Variants in PRCP observed in about 807,000 individuals in gnomAD.
PRCP encodes the protein prolylcarboxypeptidase, also known as lysosomal Pro-X carboxypeptidase.
PRCP carries 46 observed loss-of-function variants against 54.2 expected under a neutral mutation model. The ratio of observed to expected loss-of-function variants is 0.85; its 90% CI spans 0.67 to 1.09. PRCP has a LOEUF of 1.09. Among genes scored for constraint, PRCP ranks in the 50% least tolerant of loss-of-function variants. The pLI is 0.00. For synonymous variants in PRCP, 240 were observed against 212.2 expected (o/e 1.13, Z -1.14); for missense variants, 613 against 596.8 (o/e 1.03, Z -0.28).
chr11:82,873,112 G>A (rs1228527743), intron 1 of PRCP, among the ~76,000 whole-genome samples: 1 of 150,716 alleles, frequency 6.6e-6, no homozygotes, highest in Non-Finnish European at 1.5e-5. Context: ...ATAAGTAGAA[G>A]GCTATTGAAA....
At chr11:82,837,541 TAAAAG>T (rs1400520408) in intron 8 of PRCP, among the ~76,000 whole-genome samples, 1 of 152,146 alleles carries the variant, frequency 6.6e-6, no homozygotes, top group East Asian at 1.9e-4. Flanking sequence ...CTAAAACAAA[TAAAAG>T]AACTTCTAAA....
chr11:82,872,405 T>C (rs1247780917), intron 1 of PRCP, among the ~76,000 whole-genome samples: 3 of 152,186 alleles, frequency 2.0e-5, no homozygotes, highest in Non-Finnish European at 4.4e-5. Context: ...TTAGTTAAGA[T>C]GAGGGCATGC....
chr11:82,854,405 T>C (rs934733698), intron 2 of PRCP, among the ~76,000 whole-genome samples: 1 of 151,916 alleles, frequency 6.6e-6, no homozygotes, highest in African/African-American at 2.4e-5. Flanking sequence ...CCATTTACAA[T>C]AGCCACAAAA....
chr11:82,880,175 G>A (rs564271975), intron 1 of PRCP, among the ~76,000 whole-genome samples: 1 of 152,252 alleles, frequency 6.6e-6, no homozygotes, highest in Non-Finnish European at 1.5e-5. Flanking sequence ...TCCTTGAGCT[G>A]CAGTGGGCTC....
intron 1 of PRCP, among the ~76,000 whole-genome samples, chr11:82,876,713 C>A (rs926035278): frequency 6.6e-6 from 1 of 152,208 alleles, no homozygotes; most frequent in Non-Finnish European, 1.5e-5. Flanking sequence ...GATTCTGAGG[C>A]CTCCCCAGCC....
At position 82,838,407 on chromosome 11, in the gene PRCP, TGAACTA is replaced by T; in HGVS notation, c.1248_1253del (p.Ser417_Ser418del). On this transcript the variant is annotated inframe_deletion, in exon 8 of 9. Coordinates refer to ENST00000313010, the MANE Select transcript of PRCP (RefSeq NM_005040.4). ...CTCACCTGAAAACAATGTTTGTGTG[TGAACTA>T]ATGTTTTTGCCTCCATACATAGTAG... The T allele has an allele frequency of 6.2e-7, 1 of 1,610,198 alleles. No individual in the cohort carries two copies. Among genetic ancestry groups the T allele is most frequent in the Non-Finnish European group, 8.5e-7 (1 of 1,178,576 alleles).
chr11:82,853,940 G>A (rs1859018611), intron 2 of PRCP, among the ~76,000 whole-genome samples: 1 of 152,090 alleles, frequency 6.6e-6, no homozygotes, highest in Non-Finnish European at 1.5e-5. Context: ...AAATGTATTC[G>A]ACAAAATTCA....
intron 8 of PRCP, chr11:82,827,865 C>A (rs150887737): frequency 5.8e-4 from 89 of 152,212 alleles, no homozygotes; most frequent in African/African-American, 2.1e-3. Flanking sequence ...GGAGTATAGT[C>A]ATCTTAATAG....
intron 1 of PRCP, among the ~76,000 whole-genome samples, chr11:82,880,041 G>A (rs1859707122): frequency 6.6e-6 from 1 of 152,212 alleles, no homozygotes; most frequent in Admixed American, 6.5e-5. Flanking sequence ...CATGCTGGGA[G>A]AACCACTACT....
At chr11:82,846,344 T>C (rs779524066) in intron 6 of PRCP, among the ~76,000 whole-genome samples, 1 of 151,818 alleles carries the variant, frequency 6.6e-6, no homozygotes, top group Non-Finnish European at 1.5e-5. Context: ...AGCTACAAGT[T>C]TGGGAGGGAG....
At position 82,838,535 on chromosome 11, in the gene PRCP, C is replaced by T. The variant is rs375747888; in HGVS notation, c.1126G>A (p.Val376Ile). The T allele has an allele frequency of 2.5e-5, 41 of 1,613,974 alleles. No homozygotes were observed. In the African/African-American group the frequency reaches 4.7e-4, roughly 18 times the overall value. The part of the protein sequence containing the change: ...EVVMPFCTNG[V>I]DDMFEPHSWN... Reference sequence around the variant, plus strand: ...GAGTGAGGTTCAAACATGTCATCGACACCATTAGTACAAAAGGGCATGACT... The same window carrying T: ...GAGTGAGGTTCAAACATGTCATCGATACCATTAGTACAAAAGGGCATGACT... Residue 376 changes from valine (V) to isoleucine (I), a missense_variant, in exon 8 of 9, where the codon GTC becomes ATC. By Grantham distance (29) the Val-to-Ile change is conservative. Transcript: ENST00000313010.
intron 6 of PRCP, chr11:82,840,340 A>T (rs1274075216): frequency 1.3e-5 from 2 of 152,146 alleles, no homozygotes; most frequent in Non-Finnish European, 2.9e-5. Context: ...TGTGTATTTC[A>T]TGGTATCTAG....
chr11:82,833,367 A>C (rs761192709), intron 8 of PRCP, among the ~76,000 whole-genome samples: 10 of 152,218 alleles, frequency 6.6e-5, no homozygotes, highest in Non-Finnish European at 2.9e-5. Context: ...GGAAAATGGA[A>C]AAAGAGGATG....
chr11:82,843,538 C>G (rs1858726346), intron 6 of PRCP, among the ~76,000 whole-genome samples: 1 of 145,252 alleles, frequency 6.9e-6, no homozygotes, highest in South Asian at 2.2e-4. Flanking sequence ...AGCACTTGGC[C>G]TGTTGATTGT....
chr11:82,867,011 C>T (rs1031606742), intron 1 of PRCP, among the ~76,000 whole-genome samples: 2 of 152,156 alleles, frequency 1.3e-5, no homozygotes, highest in Non-Finnish European at 2.9e-5. Flanking sequence ...CATGAGCCAC[C>T]GCGCCCGGCC....
intron 8 of PRCP, chr11:82,829,098 A>G (rs1453673262): frequency 1.3e-5 from 2 of 152,228 alleles, no homozygotes; most frequent in Non-Finnish European, 2.9e-5. Flanking sequence ...CTGAGTTACT[A>G]TAATAGCCTT....
chr11:82,825,540 T>C (rs1221348997), intron 8 of PRCP: 1 of 171,936 alleles, frequency 5.8e-6, no homozygotes, highest in Non-Finnish European at 1.2e-5. Flanking sequence ...GAGGCCAAGA[T>C]GGTGAATCGC....
intron 1 of PRCP, among the ~76,000 whole-genome samples, chr11:82,893,546 C>A (rs1255484442): frequency 6.6e-6 from 1 of 152,150 alleles, no homozygotes; most frequent in Non-Finnish European, 1.5e-5. Flanking sequence ...AATCCTAGCA[C>A]TTTGGGAGAC....
At chr11:82,861,232 G>A (rs181310423) in intron 1 of PRCP, among the ~76,000 whole-genome samples, 89 of 152,252 alleles carry the variant, frequency 5.8e-4, no homozygotes, top group African/African-American at 2.0e-3. Context: ...TGATGGCTAC[G>A]AATAGTCCCA....
Sources: allele counts gnomAD v4.1 joint callset (sites outside exome capture counted in the v4.1 genomes callset), GRCh38; gene constraint gnomAD v4.1.1; transcripts MANE v1.5; gene names NCBI Gene and HGNC (gene_info 2026-07-23, HGNC 2026-07-21).